Variants in CD163 observed in about 807,000 individuals in gnomAD.
The protein encoded by CD163 is scavenger receptor cysteine-rich type 1 protein M130.
A neutral mutation model predicts 129.2 loss-of-function variants in CD163; 64 were observed. The ratio of observed to expected loss-of-function variants is 0.50; its 90% CI spans 0.41 to 0.61. The LOEUF (loss-of-function observed/expected upper bound fraction) is 0.61. Among genes scored for constraint, CD163 ranks in the 20% least tolerant of loss-of-function variants. The pLI is 0.00. For synonymous variants in CD163, 446 were observed against 478.5 expected (o/e 0.93, Z 0.89); for missense variants, 1,061 against 1,377.9 (o/e 0.77, Z 3.64).
chr12:7,493,458 G>A (rs978726435), intron 6 of CD163, among the ~76,000 whole-genome samples: 1 of 152,144 alleles, frequency 6.6e-6, no homozygotes, highest in Non-Finnish European at 1.5e-5. Flanking sequence ...GTTTCTTGGT[G>A]ACAACAGAGA....
chr12:7,472,242 T>G (rs1949015488), intron 16 of CD163, among the ~76,000 whole-genome samples: 1 of 152,208 alleles, frequency 6.6e-6, no homozygotes, highest in African/African-American at 2.4e-5. Flanking sequence ...GACTGCCTCC[T>G]CAAGTGGGTC....
rs1949403420 is a variant in CD163 at position 7,496,499 on chromosome 12, G to A, written c.1099+314C>T. Among the ~76,000 whole-genome samples, 1 of 152,070 alleles carries A rather than the reference G, an allele frequency of 6.6e-6. No individual in the cohort carries two copies. Among genetic ancestry groups the A allele is most frequent in the Non-Finnish European group, 1.5e-5 (1 of 67,990 alleles). ...CCCAGAACTTAAAGTAAAAAAATAA[G>A]TAAATTAAAAAAATTTAAAAACAGA... On this transcript the variant is annotated intron_variant, in intron 5 of 16. Coordinates refer to ENST00000432237, the MANE Select transcript of CD163 (RefSeq NM_203416.4). The surrounding 1 kb of genome is among the most constrained non-coding windows in gnomAD (Gnocchi z 4.8).
At chr12:7,479,818 G>A (rs1015108384) in intron 16 of CD163, 42 bp downstream of exon 16, 7 of 1,590,942 alleles carry the variant, frequency 4.4e-6, no homozygotes, top group Admixed American at 1.8e-5. Flanking sequence ...CAAAAGGAAT[G>A]CAGCTGTTTT....
intron 3 of CD163, among the ~76,000 whole-genome samples, chr12:7,500,187 G>A (rs894179819): frequency 6.6e-6 from 1 of 151,832 alleles, no homozygotes; most frequent in Non-Finnish European, 1.5e-5. Context: ...TTGGGAGGCC[G>A]AGGCAGGTGG....
chr12:7,480,436 A>G (rs1472116663), intron 15 of CD163: 1 of 152,764 alleles, frequency 6.5e-6, no homozygotes, highest in Non-Finnish European at 1.5e-5. Context: ...TTCTCATGCA[A>G]TAAAGATATT....
In CD163 at chr12:7,496,919, G is replaced by A; in HGVS notation, c.993C>T (p.Asp331=). Residue 331 remains aspartate (D), a synonymous_variant, in exon 5 of 17, where the codon GAC becomes GAT. Coordinates refer to ENST00000432237, the MANE Select transcript of CD163 (RefSeq NM_203416.4). This position sits in a 1 kb window ranked among gnomAD's most constrained non-coding sequence, Gnocchi z 4.8. The part of the protein sequence containing the change: ...ASKGFGHIWL[D]SVSCQGHEPA... ...GTTCATGTCCCTGGCAAGAAACGCT[G>A]TCAAGCCAGATGTGTCCAAATCCCT... The A allele has an allele frequency of 6.2e-7, 1 of 1,614,108 alleles. No individual in the cohort carries two copies. Among genetic ancestry groups the A allele is most frequent in the South Asian group, 1.1e-5 (1 of 91,082 alleles).
intron 16 of CD163, among the ~76,000 whole-genome samples, chr12:7,473,338 C>T (rs1206484685): frequency 6.6e-6 from 1 of 152,138 alleles, no homozygotes; most frequent in Non-Finnish European, 1.5e-5. Flanking sequence ...CGTCAGGTTA[C>T]CTACAAAGGG....
In CD163 at chr12:7,496,774, T is replaced by A; in HGVS notation, c.1099+39A>T. The A allele has an allele frequency of 6.3e-7, 1 of 1,581,620 alleles. No individual in the cohort carries two copies. The highest frequency in any genetic ancestry group is 8.7e-7 in the Non-Finnish European group (1 of 1,151,802). ...AGGACTTTCCGTTTCTGCTTTTCTT[T>A]TTGTTTAGTGTTTTGGTTTTGGTTT... On this transcript the variant is annotated intron_variant, in intron 5 of 16. Transcript: ENST00000432237. This position sits in a 1 kb window ranked among gnomAD's most constrained non-coding sequence, Gnocchi z 4.8.
Position 7,496,799 on chromosome 12 carries a change from T to C in CD163, c.1099+14A>G. 1 of 1,612,480 alleles carries C rather than the reference T, an allele frequency of 6.2e-7. No homozygotes were observed. The highest frequency in any genetic ancestry group is 8.5e-7 in the Non-Finnish European group (1 of 1,178,878). Reference sequence around the variant, plus strand: ...TTTGTTTAGTGTTTTGGTTTTGGTTTGGTTTTAACTTACCAGAACATGTCA... The same window carrying C: ...TTTGTTTAGTGTTTTGGTTTTGGTTCGGTTTTAACTTACCAGAACATGTCA... On this transcript the variant is annotated intron_variant, in intron 5 of 16. Transcript: ENST00000432237. This position sits in a 1 kb window ranked among gnomAD's most constrained non-coding sequence, Gnocchi z 4.8.
chr12:7,494,527 A>AAGTT (rs1360490842), intron 6 of CD163, among the ~76,000 whole-genome samples: 2 of 152,176 alleles, frequency 1.3e-5, no homozygotes, highest in Non-Finnish European at 2.9e-5. Context: ...GCATGAGTAA[A>AAGTT]AGTTACATTT....
rs777891066 is a variant in CD163, at chr12:7,483,425, G to A, written c.3030C>T (p.Ala1010=). ...GNESSLWDCP[A]RRWGHSECGH... Reference sequence around the variant, plus strand: ...CACACTCACTATGGCCCCAGCGTCTGGCAGGACAATCCCACAAGGAAGACT... The same window carrying A: ...CACACTCACTATGGCCCCAGCGTCTAGCAGGACAATCCCACAAGGAAGACT... The change falls in exon 12 of 17, where the codon GCC becomes GCT. Residue 1010 remains alanine (A), a synonymous_variant. Coordinates refer to ENST00000432237, the MANE Select transcript of CD163 (RefSeq NM_203416.4). 6.2e-7 allele frequency: 1 copy of A among 1,614,058 alleles called. No homozygotes were observed. The highest frequency in any genetic ancestry group is 1.1e-5 in the South Asian group (1 of 91,076).
rs1442991429 is a variant in CD163 at position 7,483,841 on chromosome 12, A to ATATATATATATT, written c.2780-167_2780-166insAATATATATATA. The ATATATATATATT allele has an allele frequency of 5.5e-5, 6 of 109,990 alleles. No homozygotes were observed. In the East Asian group the frequency reaches 1.4e-3, roughly 26 times the overall value. 6.8% of individuals were successfully genotyped at this position (109,990 alleles called of 1,614,324 possible). On this transcript the variant is annotated intron_variant, in intron 11 of 16. Transcript: ENST00000432237. ...TATATATATGTATATATATATATAT[A>ATATATATATATT]TTTTTTTTTTTTTTTTTGAGACAGA...
chr12:7,487,953 A>T lies in CD163; in HGVS notation c.1555T>A (p.Leu519Ile), dbSNP rs200620771. 14 of 1,613,974 alleles carry T rather than the reference A, an allele frequency of 8.7e-6. No homozygotes were observed. The highest frequency in any genetic ancestry group is 3.3e-5 in the Admixed American group (2 of 59,980). The stretch of plus-strand genomic sequence containing the variant: ...ATAGAGACAACTGTGCCACACTGTA[A>T]TTCCCTGCATAGAACGCTGGCAGCT... ...LEAASVLCRE[L>I]QCGTVVSILG... is the part of the protein sequence containing the mutation. The change falls in exon 7 of 17, where the codon TTA (leucine) becomes ATA (isoleucine). Residue 519 changes from leucine (L) to isoleucine (I), a missense_variant. Transcript: ENST00000432237. The surrounding 1 kb of genome is among the most constrained non-coding windows in gnomAD (Gnocchi z 5.1).
intron 6 of CD163, among the ~76,000 whole-genome samples, chr12:7,494,402 T>A (rs547445623): frequency 1.1e-3 from 162 of 152,280 alleles, no homozygotes; most frequent in Non-Finnish European, 1.6e-3. Flanking sequence ...TTGGGAGGTA[T>A]CTGGAGCCAT....
chr12:7,501,544 C>T (rs996419819), intron 2 of CD163, 82 bp from the exon 3 acceptor site: 6 of 1,029,096 alleles, frequency 5.8e-6, no homozygotes, highest in African/African-American at 3.2e-5. Flanking sequence ...ACTTATTTAT[C>T]CTTCAAACTC....
intron 11 of CD163, among the ~76,000 whole-genome samples, chr12:7,484,281 G>A (rs1047877139): frequency 1.3e-5 from 2 of 152,134 alleles, no homozygotes; most frequent in Non-Finnish European, 2.9e-5. Flanking sequence ...AATATGTGAT[G>A]TCAAATTCTT....
chr12:7,491,321 G>C (rs1008645046), intron 6 of CD163, among the ~76,000 whole-genome samples: 1 of 151,980 alleles, frequency 6.6e-6, no homozygotes, highest in Non-Finnish European at 1.5e-5. Flanking sequence ...CCTTTATTTC[G>C]TGAATCTGCT....
chr12:7,491,945 C>T (rs746804768), intron 6 of CD163, among the ~76,000 whole-genome samples: 28 of 152,182 alleles, frequency 1.8e-4, no homozygotes, highest in Middle Eastern at 3.4e-3. Context: ...TAGTTGAATT[C>T]TCCTGGTTCT....
intron 16 of CD163, among the ~76,000 whole-genome samples, chr12:7,474,283 C>T (rs1363415687): frequency 6.6e-6 from 1 of 152,158 alleles, no homozygotes; most frequent in Non-Finnish European, 1.5e-5. Context: ...ATACATTCTT[C>T]TCAGCACCAC....
Sources: allele counts gnomAD v4.1 joint callset (sites outside exome capture counted in the v4.1 genomes callset), GRCh38; gene constraint gnomAD v4.1.1; non-coding constraint Gnocchi (gnomAD v3.1); transcripts MANE v1.5; gene names NCBI Gene and HGNC (gene_info 2026-07-23, HGNC 2026-07-21).